Variants in CNTNAP2 observed in about 807,000 individuals in gnomAD.
The protein encoded by CNTNAP2 is contactin associated protein 2.
Under a neutral mutation model 155.2 loss-of-function variants are expected in CNTNAP2, and 98 were observed. The observed-to-expected ratio is 0.63, with a 90% CI of 0.54 to 0.75. The LOEUF (loss-of-function observed/expected upper bound fraction) is 0.75. Ranked by LOEUF, CNTNAP2 falls within the 30% of genes least tolerant of loss-of-function variation. CNTNAP2 has a pLI of 0.00. For missense variants in CNTNAP2, 1,727 were observed against 1,688.1 expected (o/e 1.02, Z -0.40); for synonymous variants, 651 against 631.2 (o/e 1.03, Z -0.47).
chr7:146,161,705 A>G (rs143323980), intron 1 of CNTNAP2, among the ~76,000 whole-genome samples: 2 of 152,172 alleles, frequency 1.3e-5, no homozygotes, highest in African/African-American at 4.8e-5. Flanking sequence ...CATTGCCAAG[A>G]CAATCCTAAG....
At chr7:147,734,933 G>T (rs1277234992) in intron 13 of CNTNAP2, among the ~76,000 whole-genome samples, 1 of 150,826 alleles carries the variant, frequency 6.6e-6, no homozygotes, top group African/African-American at 2.4e-5. Context: ...CTTGCTAGCG[G>T]TCTATCAATA....
At chr7:146,360,866 C>T (rs1007597140) in intron 1 of CNTNAP2, among the ~76,000 whole-genome samples, 8 of 152,106 alleles carry the variant, frequency 5.3e-5, no homozygotes, top group African/African-American at 1.9e-4. Context: ...CACTTATTTC[C>T]CCAGTCACTG....
intron 21 of CNTNAP2, among the ~76,000 whole-genome samples, chr7:148,331,960 G>C (rs1045516259): frequency 3.3e-5 from 5 of 152,140 alleles, no homozygotes; most frequent in Non-Finnish European, 7.3e-5. Context: ...TCACCATTTT[G>C]ATCACATTTC....
At chr7:147,207,900 G>T (rs1803054225) in intron 8 of CNTNAP2, among the ~76,000 whole-genome samples, 1 of 152,062 alleles carries the variant, frequency 6.6e-6, no homozygotes, top group Non-Finnish European at 1.5e-5. Flanking sequence ...GGAGAAATAG[G>T]TTGCTTTTCT....
intron 10 of CNTNAP2, among the ~76,000 whole-genome samples, chr7:147,474,123 G>A (rs1798274472): frequency 6.6e-6 from 1 of 151,788 alleles, no homozygotes; most frequent in African/African-American, 2.4e-5. Flanking sequence ...ATAAAGTTTT[G>A]TTTTTACAAA....
chr7:146,332,225 A>G (rs1484662562), intron 1 of CNTNAP2, among the ~76,000 whole-genome samples: 1 of 151,962 alleles, frequency 6.6e-6, no homozygotes, highest in Non-Finnish European at 1.5e-5. Context: ...AAGTAACTCA[A>G]ACTGTTAACT....
rs570533403 is a variant in CNTNAP2 at position 146,282,602 on chromosome 7, C to T, written c.97+165629C>T. On this transcript the variant is annotated intron_variant, in intron 1 of 23. Transcript: ENST00000361727. ...TATGTCCTAGAGTAACATATGTTTG[C>T]TCTCAGAAAAATCACTAGATAAGAT... Among the ~76,000 whole-genome samples the T allele has an allele frequency of 2.0e-3, 308 of 152,168 alleles. 3 individuals carry two copies. The highest frequency in any genetic ancestry group is 7.0e-3 in the African/African-American group (289 of 41,524).
At chr7:147,962,557 G>A (rs1321273023) in intron 14 of CNTNAP2, among the ~76,000 whole-genome samples, 1 of 152,178 alleles carries the variant, frequency 6.6e-6, no homozygotes, top group Non-Finnish European at 1.5e-5. Context: ...TAAAGGAAAT[G>A]ATTATGAGCT....
intron 9 of CNTNAP2, among the ~76,000 whole-genome samples, chr7:147,375,933 A>G (rs1050284902): frequency 2.6e-5 from 4 of 152,034 alleles, no homozygotes; most frequent in African/African-American, 9.7e-5. Context: ...TGATTCACAG[A>G]TACCCTGGAA....
Position 147,445,537 on chromosome 7 carries a change from A to C in CNTNAP2, c.1671-40398A>C, listed in dbSNP as rs568782127. 3.3e-5 allele frequency among the ~76,000 whole-genome samples: 5 copies of C among 152,282 alleles called. No individual in the cohort carries two copies. In the South Asian group the frequency reaches 8.3e-4, roughly 25 times the overall value. ...GTGGACAAAAATAAATGTACTTAGC[A>C]CTGTTTTGAGGATAAAGGTGTTAGA... On this transcript the variant is annotated intron_variant, in intron 10 of 23. Coordinates refer to ENST00000361727, the MANE Select transcript of CNTNAP2 (RefSeq NM_014141.6).
intron 15 of CNTNAP2, among the ~76,000 whole-genome samples, chr7:147,980,933 C>CAAAA (rs34927518): frequency 1.0e-3 from 95 of 93,954 alleles, no homozygotes; most frequent in East Asian, 1.4e-3. Context: ...TCCATCTTAA[C>CAAAA]AAAAAAAAAA....
At chr7:147,814,669 G>A (rs1442073208) in intron 13 of CNTNAP2, among the ~76,000 whole-genome samples, 2 of 152,122 alleles carry the variant, frequency 1.3e-5, no homozygotes, top group African/African-American at 4.8e-5. Context: ...ATGCCATCGG[G>A]AAACTCATCA....
intron 1 of CNTNAP2, among the ~76,000 whole-genome samples, chr7:146,511,431 G>C (rs902540496): frequency 6.6e-6 from 1 of 152,150 alleles, no homozygotes; most frequent in Non-Finnish European, 1.5e-5. Flanking sequence ...GGTTTGTCAC[G>C]TAAGGCTTTA....
chr7:146,426,398 TATATATATATACACAC>T (rs1307142862), intron 1 of CNTNAP2, among the ~76,000 whole-genome samples: 2 of 144,584 alleles, frequency 1.4e-5, no homozygotes, highest in African/African-American at 5.3e-5. Flanking sequence ...TATATATATA[TATATATATATACACAC>T]ACACACATAT....
chr7:146,759,937 A>T (rs1429994861), intron 1 of CNTNAP2, among the ~76,000 whole-genome samples: 1 of 152,166 alleles, frequency 6.6e-6, no homozygotes, highest in East Asian at 1.9e-4. Context: ...TATAAAAATA[A>T]ACCTTCGGTA....
At chr7:146,576,070 G>A (rs1321588765) in intron 1 of CNTNAP2, among the ~76,000 whole-genome samples, 1 of 152,180 alleles carries the variant, frequency 6.6e-6, no homozygotes, top group Non-Finnish European at 1.5e-5. Flanking sequence ...AATTTTCAGT[G>A]GGAGCCCATG....
intron 8 of CNTNAP2, among the ~76,000 whole-genome samples, chr7:147,203,210 G>A (rs1802956254): frequency 6.6e-6 from 1 of 151,966 alleles, no homozygotes; most frequent in Admixed American, 6.6e-5. Context: ...AAAATTTTTT[G>A]TAACTGAGGG....
At chr7:148,331,155 T>A (rs1052498323) in intron 21 of CNTNAP2, among the ~76,000 whole-genome samples, 1 of 138,542 alleles carries the variant, frequency 7.2e-6, no homozygotes, top group Non-Finnish European at 1.5e-5. Context: ...AGTGGACAGA[T>A]GGAATGGACG....
chr7:147,905,991 A>T (rs1019152009), intron 14 of CNTNAP2, among the ~76,000 whole-genome samples: 3 of 152,080 alleles, frequency 2.0e-5, no homozygotes, highest in Admixed American at 6.6e-5. Context: ...TTGGAGGAAG[A>T]GGCATAAACT....
Sources: allele counts gnomAD v4.1 joint callset (sites outside exome capture counted in the v4.1 genomes callset), GRCh38; gene constraint gnomAD v4.1.1; transcripts MANE v1.5; gene names NCBI Gene and HGNC (gene_info 2026-07-23, HGNC 2026-07-21).